The following HEPHL1 variants were observed in gnomAD, a reference collection of about 807,000 sequenced individuals.
The protein encoded by HEPHL1 is ferroxidase HEPHL1.
In HEPHL1, 123 loss-of-function variants were observed where a neutral mutation model predicts 122.0. The observed-to-expected ratio is 1.01, with a 90% CI of 0.87 to 1.17. The LOEUF (loss-of-function observed/expected upper bound fraction) is 1.17. Among genes scored for constraint, HEPHL1 ranks in the 50% most tolerant of loss-of-function variants. The pLI, the probability that HEPHL1 is intolerant of heterozygous loss-of-function variation, is 0.00. For synonymous variants in HEPHL1, 527 were observed against 508.9 expected, an observed-to-expected ratio of 1.04 and a Z score of -0.48; for missense variants, 1,452 against 1,430.5, an observed-to-expected ratio of 1.01 and a Z score of -0.24.
intron 2 of HEPHL1, among the ~76,000 whole-genome samples, chr11:94,049,241 G>A (rs914794221): frequency 4.6e-5 from 7 of 151,900 alleles, no homozygotes; most frequent in African/African-American, 9.7e-5. Context: ...AATCATTGGG[G>A]AAATGCAAAT....
At chr11:94,023,690 T>C (rs1387968243) in intron 1 of HEPHL1, among the ~76,000 whole-genome samples, 1 of 152,182 alleles carries the variant, frequency 6.6e-6, no homozygotes, top group East Asian at 1.9e-4. Flanking sequence ...TAAGGTGTCA[T>C]ACCTAGAACG....
In HEPHL1 at chr11:94,112,960, A is replaced by G. The variant is rs574173844; in HGVS notation, c.*1066A>G. 9.2e-5 allele frequency: 14 copies of G among 152,310 alleles called. No individual in the cohort carries two copies. Among genetic ancestry groups the G allele is most frequent in the African/African-American group, 2.9e-4 (12 of 41,574 alleles). The allele number at this position is 152,310 out of a possible 1,614,324, so 9.4% of individuals were successfully genotyped here. On this transcript the variant is annotated 3_prime_UTR_variant, in exon 20 of 20. Coordinates refer to ENST00000315765, the MANE Select transcript of HEPHL1 (RefSeq NM_001098672.2). Reference sequence around the variant, plus strand: ...GGGACCTCTAAATATCCTAGATTCTATGGCTTTTAAAGACATACCTCTTCA... The same window carrying G: ...GGGACCTCTAAATATCCTAGATTCTGTGGCTTTTAAAGACATACCTCTTCA...
chr11:94,052,748 A>G (rs1269288876), intron 2 of HEPHL1, among the ~76,000 whole-genome samples: 2 of 152,068 alleles, frequency 1.3e-5, no homozygotes, highest in Non-Finnish European at 2.9e-5. Flanking sequence ...GCTTTTCTAT[A>G]TCTATTGAGA....
At position 94,111,570 on chromosome 11, in the gene HEPHL1, G is replaced by A. The variant is rs1425395571; in HGVS notation, c.3242G>A (p.Gly1081Glu). The change falls in exon 19 of 20, where the codon GGA becomes GAA. Residue 1081 changes from glycine (G) to glutamate (E), a missense_variant. Physicochemically the swap from Gly to Glu is moderately conservative, Grantham distance 98. Coordinates refer to ENST00000315765, the MANE Select transcript of HEPHL1 (RefSeq NM_001098672.2). The stretch of plus-strand genomic sequence containing the variant: ...ATTCCTTACTCCACCACATCTCCTG[G>A]AGTGGCATCTCACCCAGCCACGGTG... ...NRIPYSTTSP[G>E]VASHPATVPS... 2 of 1,605,970 alleles carry A rather than the reference G, an allele frequency of 1.2e-6. No homozygotes were observed. Among genetic ancestry groups the A allele is most frequent in the Non-Finnish European group, 1.7e-6 (2 of 1,176,002 alleles).
chr11:94,042,889 A>AAAAAAAAAAAAAAAAAAAC (rs1555058804), intron 1 of HEPHL1, among the ~76,000 whole-genome samples: 1 of 104,906 alleles, frequency 9.5e-6, no homozygotes, highest in Non-Finnish European at 2.2e-5. Context: ...AAAAAAAAAA[A>AAAAAAAAAAAAAAAAAAAC]AAAACTGCAT....
chr11:94,074,953 T>C (rs1356568147), intron 8 of HEPHL1, among the ~76,000 whole-genome samples: 1 of 152,206 alleles, frequency 6.6e-6, no homozygotes, highest in Non-Finnish European at 1.5e-5. Flanking sequence ...AGAAATTGTA[T>C]GGGATTTATG....
At chr11:94,021,775 A>T (rs943142746) in intron 1 of HEPHL1, among the ~76,000 whole-genome samples, 1 of 152,220 alleles carries the variant, frequency 6.6e-6, no homozygotes, top group Admixed American at 6.5e-5. Context: ...GTGAAGGGAC[A>T]TATACACAAC....
At chr11:94,097,966 T>C (rs950627063) in intron 13 of HEPHL1, among the ~76,000 whole-genome samples, 13 of 151,998 alleles carry the variant, frequency 8.6e-5, no homozygotes, top group Non-Finnish European at 1.9e-4. Flanking sequence ...TGACTCTTTA[T>C]CCAATTTGCC....
intron 9 of HEPHL1, among the ~76,000 whole-genome samples, chr11:94,075,957 A>C (rs1481511106): frequency 6.6e-6 from 1 of 152,208 alleles, no homozygotes; most frequent in Non-Finnish European, 1.5e-5. Context: ...AGCGAAGCAT[A>C]GCCTTTCAAG....
chr11:94,082,641 T>G (rs1161225861), intron 10 of HEPHL1, 73 bp downstream of exon 10: 1 of 1,402,530 alleles, frequency 7.1e-7, no homozygotes, highest in East Asian at 2.3e-5. Context: ...TTGGTGTGTT[T>G]GAATTATATT....
At position 94,101,293 on chromosome 11, in the gene HEPHL1, A is replaced by G; in HGVS notation, c.2533A>G (p.Met845Val). ...YSISAQGVEEMDSGKQFQVPM... is the reference protein window; with the variant it reads ...YSISAQGVEEVDSGKQFQVPM... ...CATCTCAGCCCAGGGTGTGGAGGAG[A>G]TGGATAGTGGAAAGCAATTCCAAGT... The change falls in exon 14 of 20, where the codon ATG becomes GTG. Residue 845 changes from methionine to valine, a missense_variant. Physicochemically the swap from Met to Val is conservative, Grantham distance 21. Coordinates refer to ENST00000315765, the MANE Select transcript of HEPHL1 (RefSeq NM_001098672.2). 6.2e-7 allele frequency: 1 copy of G among 1,613,900 alleles called. No individual in the cohort carries two copies. Among genetic ancestry groups the G allele is most frequent in the Non-Finnish European group, 8.5e-7 (1 of 1,179,850 alleles).
At position 94,093,725 on chromosome 11, in the gene HEPHL1, A is replaced by T. The variant is rs2134446324; in HGVS notation, c.2434+85A>T. 2.8e-6 allele frequency: 4 copies of T among 1,450,390 alleles called. No homozygotes were observed. In the East Asian group the frequency reaches 9.2e-5, roughly 34 times the overall value. 89.8% of individuals were successfully genotyped at this position (1,450,390 alleles called of 1,614,324 possible). On this transcript the variant is annotated intron_variant, in intron 13 of 19. Coordinates refer to ENST00000315765, the MANE Select transcript of HEPHL1 (RefSeq NM_001098672.2). ...CATGTGTTCTGTTACACTTGTGGCT[A>T]AGAAAGGATAGAAGAAACAGAGTAG...
At chr11:94,078,947 A>G (rs1301867757) in intron 9 of HEPHL1, among the ~76,000 whole-genome samples, 1 of 152,160 alleles carries the variant, frequency 6.6e-6, no homozygotes, top group East Asian at 1.9e-4. Flanking sequence ...ACCATCACTC[A>G]GGGTTCTGTC....
Position 94,067,687 on chromosome 11 carries a change from G to C in HEPHL1, c.1000G>C (p.Glu334Gln). 6.2e-7 allele frequency: 1 copy of C among 1,613,758 alleles called. No homozygotes were observed. Among genetic ancestry groups the C allele is most frequent in the Non-Finnish European group, 8.5e-7 (1 of 1,179,754 alleles). The change falls in exon 5 of 20, where the codon GAA (glutamate) becomes CAA (glutamine). Residue 334 changes from glutamate (E) to glutamine (Q), a missense_variant. By Grantham distance (29) the Glu-to-Gln change is conservative. Coordinates refer to ENST00000315765, the MANE Select transcript of HEPHL1 (RefSeq NM_001098672.2). ...GTTCCCAGCCACCTTCCTTACAACA[G>C]AAATGATAGCCGAGAATCCTGGGAA... ...NLFPATFLTTEMIAENPGKWM... is the reference protein window; with the variant it reads ...NLFPATFLTTQMIAENPGKWM...
chr11:94,094,281 G>C (rs1946291478), intron 13 of HEPHL1, among the ~76,000 whole-genome samples: 1 of 151,852 alleles, frequency 6.6e-6, no homozygotes, highest in South Asian at 2.1e-4. Context: ...AGTTTGCTGA[G>C]AATGATGGTT....
At chr11:94,050,369 A>G (rs1045219150) in intron 2 of HEPHL1, among the ~76,000 whole-genome samples, 3 of 152,176 alleles carry the variant, frequency 2.0e-5, no homozygotes, top group African/African-American at 7.2e-5. Context: ...TTAGGAAAAT[A>G]TGTAATATTA....
chr11:94,025,745 G>A (rs1485756807), intron 1 of HEPHL1, among the ~76,000 whole-genome samples: 1 of 152,176 alleles, frequency 6.6e-6, no homozygotes, highest in African/African-American at 2.4e-5. Context: ...AGGACCAACT[G>A]AGGGGAAGCA....
At chr11:94,067,414 G>T in intron 4 of HEPHL1, 82 bp from the exon 5 acceptor site, 4 of 1,402,202 alleles carry the variant, frequency 2.9e-6, no homozygotes, top group Non-Finnish European at 4.0e-6. Context: ...TTCCAGCCAT[G>T]CTTAAGCCCG....
intron 1 of HEPHL1, among the ~76,000 whole-genome samples, chr11:94,039,585 C>T (rs1167608869): frequency 2.0e-5 from 3 of 151,830 alleles, no homozygotes; most frequent in African/African-American, 7.3e-5. Context: ...AGCCGCTCAA[C>T]TACATGGAAA....
Sources: gnomAD v4.1 joint callset for allele counts (sites outside exome capture counted in the v4.1 genomes callset) on GRCh38, gnomAD v4.1.1 for gene constraint, MANE v1.5 for transcripts, NCBI Gene and HGNC (gene_info 2026-07-23, HGNC 2026-07-21) for gene names.